The following GRK5 variants were observed in gnomAD, a reference collection of about 807,000 sequenced individuals.
The protein encoded by GRK5 is g protein-coupled receptor kinase GRK5.
GRK5 carries 40 observed loss-of-function variants against 78.4 expected under a neutral mutation model. The ratio of observed to expected loss-of-function variants is 0.51; its 90% CI spans 0.40 to 0.66. The LOEUF (loss-of-function observed/expected upper bound fraction) is 0.66, where lower values mean the gene tolerates loss of function less well. GRK5 is among the 30% of genes least tolerant of loss of function. The pLI is 0.00. For missense variants in GRK5, 598 were observed against 759.9 expected (o/e 0.79, Z 2.50); for synonymous variants, 289 against 296.8 (o/e 0.97, Z 0.27).
At chr10:119,304,113 T>A (rs1202796567) in intron 1 of GRK5, among the ~76,000 whole-genome samples, 1 of 152,054 alleles carries the variant, frequency 6.6e-6, no homozygotes, top group Non-Finnish European at 1.5e-5. Flanking sequence ...TTATCTTGAC[T>A]GTGTTTAATG....
At chr10:119,306,128 G>A (rs1471545526) in intron 1 of GRK5, among the ~76,000 whole-genome samples, 2 of 152,138 alleles carry the variant, frequency 1.3e-5, no homozygotes, top group East Asian at 1.9e-4. Flanking sequence ...ATTTGGGGGA[G>A]GGGGGAGCCT....
At chr10:119,272,214 C>T (rs1362597914) in intron 1 of GRK5, among the ~76,000 whole-genome samples, 1 of 152,238 alleles carries the variant, frequency 6.6e-6, no homozygotes, top group East Asian at 1.9e-4. Context: ...GCACCCTGGC[C>T]TCTGCTCTCA....
intron 2 of GRK5, among the ~76,000 whole-genome samples, chr10:119,361,585 C>T (rs1029298882): frequency 3.3e-5 from 5 of 152,154 alleles, no homozygotes; most frequent in Non-Finnish European, 7.4e-5. Context: ...AGCTGTGCTG[C>T]ACGCCACTGA....
At chr10:119,298,824 C>T (rs773545697) in intron 1 of GRK5, among the ~76,000 whole-genome samples, 1 of 152,178 alleles carries the variant, frequency 6.6e-6, no homozygotes, top group Non-Finnish European at 1.5e-5. Flanking sequence ...GTTCCCTCTG[C>T]CAGGAATTCC....
chr10:119,406,089 G>A (rs1181564556), intron 4 of GRK5, among the ~76,000 whole-genome samples: 1 of 152,174 alleles, frequency 6.6e-6, no homozygotes, highest in Non-Finnish European at 1.5e-5. Context: ...ATGACAGGAC[G>A]GTAGCACTGC....
intron 1 of GRK5, among the ~76,000 whole-genome samples, chr10:119,299,153 T>C (rs1218012892): frequency 6.6e-6 from 1 of 152,180 alleles, no homozygotes; most frequent in Non-Finnish European, 1.5e-5. Context: ...GGCTTGAAAT[T>C]ATCTTTCGGC....
chr10:119,289,844 G>A (rs973355334), intron 1 of GRK5, among the ~76,000 whole-genome samples: 61 of 152,280 alleles, frequency 4.0e-4, no homozygotes, highest in African/African-American at 1.4e-3. Flanking sequence ...GGGTTAGGGA[G>A]GTCAAACACC....
intron 2 of GRK5, chr10:119,330,373 G>A (rs1850751712): frequency 7.0e-6 from 1 of 143,078 alleles, no homozygotes; most frequent in South Asian, 2.3e-4. Flanking sequence ...GCGGGGGAGG[G>A]AGGGAGGGAG....
rs577769143 is a variant in GRK5, at chr10:119,253,245, C to T, written c.52+45276C>T. Among the ~76,000 whole-genome samples, 265 of 152,108 alleles carry T rather than the reference C, an allele frequency of 1.7e-3. No homozygotes were observed. The highest frequency in any genetic ancestry group is 3.0e-3 in the Non-Finnish European group (206 of 68,014). Reference sequence around the variant, plus strand: ...GATTACAGAGGCCCTTGATAGAGTCCGAAATTTGAAGGACAAGCAAGGAAG... The same window carrying T: ...GATTACAGAGGCCCTTGATAGAGTCTGAAATTTGAAGGACAAGCAAGGAAG... On this transcript the variant is annotated intron_variant, in intron 1 of 15. Coordinates refer to ENST00000392870, the MANE Select transcript of GRK5 (RefSeq NM_005308.3). This position sits in a 1 kb window ranked among gnomAD's most constrained non-coding sequence, Gnocchi z 5.7.
intron 1 of GRK5, among the ~76,000 whole-genome samples, chr10:119,291,453 G>A (rs61874515): frequency 0.12 from 18,717 of 151,820 alleles, 1,273 homozygotes; most frequent in African/African-American, 0.18. Flanking sequence ...CGGCTGCCTC[G>A]GGCGCTGGTG....
intron 3 of GRK5, among the ~76,000 whole-genome samples, chr10:119,393,304 G>T (rs1234373251): frequency 6.6e-6 from 1 of 152,278 alleles, no homozygotes; most frequent in Non-Finnish European, 1.5e-5. Context: ...CTGCCGCCCT[G>T]TGGACCTGCG....
chr10:119,227,837 C>T (rs1055584256), intron 1 of GRK5, among the ~76,000 whole-genome samples: 2 of 152,130 alleles, frequency 1.3e-5, no homozygotes, highest in African/African-American at 2.4e-5. Flanking sequence ...TCAAACATTA[C>T]GATCTTGTTG....
intron 2 of GRK5, among the ~76,000 whole-genome samples, chr10:119,334,126 C>T (rs1006251314): frequency 2.0e-5 from 3 of 152,124 alleles, no homozygotes; most frequent in Admixed American, 6.5e-5. Context: ...CCAGGTGCAG[C>T]GGTGCAGGCC....
At position 119,267,087 on chromosome 10, in the gene GRK5, A is replaced by G. The variant is rs1849510164; in HGVS notation, c.52+59118A>G. ...GAGAAACCCCATCTCTACTAAAAAT[A>G]CAAAAATTAGCCAGGCATGGTGGCG... On this transcript the variant is annotated intron_variant, in intron 1 of 15. Transcript: ENST00000392870. The surrounding 1 kb of genome is among the most constrained non-coding windows in gnomAD (Gnocchi z 4.1). 6.6e-6 allele frequency among the ~76,000 whole-genome samples: 1 copy of G among 152,076 alleles called. No individual in the cohort carries two copies. Among genetic ancestry groups the G allele is most frequent in the East Asian group, 1.9e-4 (1 of 5,182 alleles).
chr10:119,231,252 G>A (rs892388656), intron 1 of GRK5, among the ~76,000 whole-genome samples: 4 of 152,098 alleles, frequency 2.6e-5, no homozygotes, highest in Non-Finnish European at 5.9e-5. Flanking sequence ...TAAAAAATGG[G>A]CAGATGATCT....
chr10:119,416,603 T>A (rs1490515129), intron 4 of GRK5, among the ~76,000 whole-genome samples: 1 of 140,904 alleles, frequency 7.1e-6, no homozygotes, highest in Non-Finnish European at 1.6e-5. Flanking sequence ...TTTTTTTTTT[T>A]AATTTGAGAC....
chr10:119,412,812 G>C lies in GRK5; in HGVS notation c.340-10354G>C, dbSNP rs971181578. Among the ~76,000 whole-genome samples the C allele has an allele frequency of 1.9e-4, 29 of 152,184 alleles. No homozygotes were observed. The highest frequency in any genetic ancestry group is 4.4e-5 in the Non-Finnish European group (3 of 68,032). ...TATGAGCATGTTTAATTGCAAGCCA[G>C]GGTTTAGGGTTGGAACAGCCCCCAT... On this transcript the variant is annotated intron_variant, in intron 4 of 15. Transcript: ENST00000392870. The surrounding 1 kb of genome is among the most constrained non-coding windows in gnomAD (Gnocchi z 4.3).
At chr10:119,349,477 C>T (rs1851155539) in intron 2 of GRK5, among the ~76,000 whole-genome samples, 1 of 152,196 alleles carries the variant, frequency 6.6e-6, no homozygotes, top group South Asian at 2.1e-4. Context: ...CCTTTGGAGG[C>T]AGTTACCCGC....
Position 119,271,312 on chromosome 10 carries a change from AAGGGTCTGC to A in GRK5, c.53-55200_53-55192del, listed in dbSNP as rs1241769791. ...ATCCCCTCGAGCTGCCAACACAATC[AAGGGTCTGC>A]AGGTTTGGGAACTCCAAGGCAGTTT... On this transcript the variant is annotated intron_variant, in intron 1 of 15. Transcript: ENST00000392870. This position sits in a 1 kb window ranked among gnomAD's most constrained non-coding sequence, Gnocchi z 4.1. Among the ~76,000 whole-genome samples, 2 of 152,300 alleles carry A rather than the reference AAGGGTCTGC, an allele frequency of 1.3e-5. No homozygotes were observed. Among genetic ancestry groups the A allele is most frequent in the South Asian group, 4.1e-4 (2 of 4,826 alleles).
Sources: allele counts gnomAD v4.1 joint callset (sites outside exome capture counted in the v4.1 genomes callset), GRCh38; gene constraint gnomAD v4.1.1; non-coding constraint Gnocchi (gnomAD v3.1); transcripts MANE v1.5; gene names NCBI Gene and HGNC (gene_info 2026-07-23, HGNC 2026-07-21).